TMPRSS11D: variants seen among roughly 807,000 people sequenced by gnomAD.
TMPRSS11D encodes the protein transmembrane protease serine 11D.
In TMPRSS11D, 32 loss-of-function variants were observed where a neutral mutation model predicts 44.4. The ratio of observed to expected loss-of-function variants is 0.72; its 90% CI spans 0.54 to 0.97. TMPRSS11D has a LOEUF of 0.97. TMPRSS11D is among the 50% of genes least tolerant of loss of function. The pLI, the probability that TMPRSS11D is intolerant of heterozygous loss-of-function variation, is 0.00. For synonymous variants in TMPRSS11D, 179 were observed against 177.9 expected (o/e 1.01, Z -0.05); for missense variants, 446 against 502.6 (o/e 0.89, Z 1.08).
chr4:67,879,229 C>G (rs1719263192), intron 1 of TMPRSS11D, among the ~76,000 whole-genome samples: 1 of 152,038 alleles, frequency 6.6e-6, no homozygotes. Context: ...CGCCTGTAAT[C>G]CCAACACTTT....
At chr4:67,825,899 A>C in intron 8 of TMPRSS11D, 25 bp from the exon 9 acceptor site, 1 of 1,598,320 alleles carries the variant, frequency 6.3e-7, no homozygotes, top group Non-Finnish European at 8.5e-7. Flanking sequence ...AGCAGGAAAA[A>C]AATGGACTTC....
At chr4:67,859,443 T>C in intron 2 of TMPRSS11D, 114 bp downstream of exon 2, 1 of 1,199,186 alleles carries the variant, frequency 8.3e-7, no homozygotes, top group African/African-American at 1.5e-5. Flanking sequence ...GTAAGATATA[T>C]AATCACATTA....
intron 1 of TMPRSS11D, among the ~76,000 whole-genome samples, chr4:67,873,207 T>A (rs1719103608): frequency 6.6e-6 from 1 of 152,198 alleles, no homozygotes; most frequent in South Asian, 2.1e-4. Flanking sequence ...AGCCCAAACT[T>A]ACCAAAACAC....
At chr4:67,857,985 A>T (rs1305279182) in intron 2 of TMPRSS11D, among the ~76,000 whole-genome samples, 1 of 152,190 alleles carries the variant, frequency 6.6e-6, no homozygotes, top group East Asian at 1.9e-4. Flanking sequence ...AGAAATATGT[A>T]AGATATTATG....
chr4:67,822,542 A>G (rs1360991777), intron 9 of TMPRSS11D, 44 bp from the exon 10 acceptor site: 1 of 1,608,140 alleles, frequency 6.2e-7, no homozygotes, highest in Non-Finnish European at 8.5e-7. Context: ...GCAAAGACAA[A>G]CCCAAAATAT....
chr4:67,830,459 A>C (rs890824581), intron 7 of TMPRSS11D, among the ~76,000 whole-genome samples: 1 of 152,038 alleles, frequency 6.6e-6, no homozygotes, highest in Non-Finnish European at 1.5e-5. Flanking sequence ...CGATAATACC[A>C]ATTTAGGAGT....
At chr4:67,857,599 A>T (rs995392931) in intron 2 of TMPRSS11D, among the ~76,000 whole-genome samples, 1 of 151,936 alleles carries the variant, frequency 6.6e-6, no homozygotes, top group Non-Finnish European at 1.5e-5. Context: ...CTCTACTACT[A>T]AAAAAAGAGT....
intron 2 of TMPRSS11D, among the ~76,000 whole-genome samples, chr4:67,854,690 A>G (rs1718592261): frequency 1.3e-5 from 2 of 152,212 alleles, no homozygotes; most frequent in Admixed American, 6.5e-5. Flanking sequence ...TAGTAATCCA[A>G]TGTAAATTAT....
In TMPRSS11D at chr4:67,858,350, C is replaced by T. The variant is rs377221672; in HGVS notation, c.130+1207G>A. Among the ~76,000 whole-genome samples the T allele has an allele frequency of 2.2e-3, 337 of 152,168 alleles. 7 individuals are homozygous for T. The South Asian group carries it at 0.051, about 23-fold the overall frequency. ...GCCTACTCTTTAAGCATGACAATGC[C>T]GTGTCATTAAGAGTGAAAATTCATT... is the stretch of plus-strand genomic sequence containing the variant. On this transcript the variant is annotated intron_variant, in intron 2 of 9. Coordinates refer to ENST00000283916, the MANE Select transcript of TMPRSS11D (RefSeq NM_004262.3).
chr4:67,858,541 A>G (rs1333127049), intron 2 of TMPRSS11D, among the ~76,000 whole-genome samples: 1 of 152,118 alleles, frequency 6.6e-6, no homozygotes, highest in African/African-American at 2.4e-5. Context: ...TGGTATTTCT[A>G]ATGTTGGTAA....
At chr4:67,861,789 G>A (rs1483907015) in intron 1 of TMPRSS11D, among the ~76,000 whole-genome samples, 1 of 151,908 alleles carries the variant, frequency 6.6e-6, no homozygotes, top group African/African-American at 2.4e-5. Flanking sequence ...ATTACCTTAC[G>A]CTCACAAGCC....
chr4:67,879,108 C>G (rs562026759), intron 1 of TMPRSS11D, among the ~76,000 whole-genome samples: 1 of 152,088 alleles, frequency 6.6e-6, no homozygotes, highest in South Asian at 2.1e-4. Context: ...GGGACATTCC[C>G]TAATGTCCTA....
At chr4:67,836,706 G>A (rs1718098978) in intron 5 of TMPRSS11D, among the ~76,000 whole-genome samples, 2 of 152,060 alleles carry the variant, frequency 1.3e-5, no homozygotes, top group Non-Finnish European at 2.9e-5. Context: ...TTCATATAGG[G>A]CATTAAAGCC....
rs558190020 is a variant in TMPRSS11D, at chr4:67,843,700, G to A, written c.250-1075C>T. Among the ~76,000 whole-genome samples the A allele has an allele frequency of 1.2e-4, 18 of 152,224 alleles. 1 individual carries two copies. In the South Asian group the frequency reaches 3.7e-3, roughly 32 times the overall value. Reference sequence around the variant, plus strand: ...GCACTTTGGGAGGCTGAGGCAGGTGGACCTTGAGGTCAGGAGATCGAGACC... The same window carrying A: ...GCACTTTGGGAGGCTGAGGCAGGTGAACCTTGAGGTCAGGAGATCGAGACC... On this transcript the variant is annotated intron_variant, in intron 3 of 9. Transcript: ENST00000283916.
chr4:67,821,241 G>A lies in TMPRSS11D; in HGVS notation c.*1096C>T, dbSNP rs1249868557. The A allele has an allele frequency of 1.3e-5, 2 of 152,022 alleles. No individual in the cohort carries two copies. The highest frequency in any genetic ancestry group is 2.9e-5 in the Non-Finnish European group (2 of 68,016). 9.4% of individuals were successfully genotyped at this position (152,022 alleles called of 1,614,324 possible). ...TAATTTACATTATATTCTTTGGTGG[G>A]GGAGGCATGTGTATGAGAAGGGGAG... On this transcript the variant is annotated 3_prime_UTR_variant, in exon 10 of 10. Coordinates refer to ENST00000283916, the MANE Select transcript of TMPRSS11D (RefSeq NM_004262.3).
At chr4:67,869,498 CAATT>C (rs1295078403) in intron 1 of TMPRSS11D, among the ~76,000 whole-genome samples, 2 of 151,894 alleles carry the variant, frequency 1.3e-5, no homozygotes, top group Non-Finnish European at 2.9e-5. Flanking sequence ...AGGCAGCTAT[CAATT>C]AATATTTATA....
At chr4:67,824,784 A>G (rs1178579711) in intron 9 of TMPRSS11D, among the ~76,000 whole-genome samples, 1 of 152,106 alleles carries the variant, frequency 6.6e-6, no homozygotes, top group Non-Finnish European at 1.5e-5. Flanking sequence ...TATACAATTC[A>G]CCCATGAAAA....
rs546190759 is a variant in TMPRSS11D at position 67,842,493 on chromosome 4, T to C, written c.317+65A>G. 94 of 1,306,590 alleles carry C rather than the reference T, an allele frequency of 7.2e-5. 1 individual carries two copies. In the African/African-American group the frequency reaches 1.3e-3, roughly 18 times the overall value. The allele number at this position is 1,306,590 out of a possible 1,614,324, so 80.9% of individuals were successfully genotyped here. The stretch of plus-strand genomic sequence containing the variant: ...AACATGTCATTTACTATTCATTCTG[T>C]GACAAAAAGTCAAGTATGCCACATT... On this transcript the variant is annotated intron_variant, in intron 4 of 9. Transcript: ENST00000283916.
At position 67,822,520 on chromosome 4, in the gene TMPRSS11D, G is replaced by A. The variant is rs1363589545; in HGVS notation, c.1096-22C>T. On this transcript the variant is annotated intron_variant, in intron 9 of 9. Coordinates refer to ENST00000283916, the MANE Select transcript of TMPRSS11D (RefSeq NM_004262.3). Reference sequence around the variant, plus strand: ...CACCCTGTAAAAAAACAGAATGACTGATTACTTAAGTGCAAAGACAAACCC... The same window carrying A: ...CACCCTGTAAAAAAACAGAATGACTAATTACTTAAGTGCAAAGACAAACCC... 3 of 1,613,120 alleles carry A rather than the reference G, an allele frequency of 1.9e-6. No individual in the cohort carries two copies. In the African/African-American group the frequency reaches 4.0e-5, roughly 22 times the overall value.
Sources: allele counts gnomAD v4.1 joint callset (sites outside exome capture counted in the v4.1 genomes callset), GRCh38; gene constraint gnomAD v4.1.1; transcripts MANE v1.5; gene names NCBI Gene and HGNC (gene_info 2026-07-23, HGNC 2026-07-21).